Variants in ANO8 observed in about 807,000 individuals in gnomAD.
The protein encoded by ANO8 is anoctamin 8, also known as anoctamin-8.
In ANO8, 67 loss-of-function variants were observed where a neutral mutation model predicts 120.4. The ratio of observed to expected loss-of-function variants is 0.56; its 90% confidence interval spans 0.46 to 0.68. The LOEUF is 0.68. Ranked by LOEUF, ANO8 falls within the 30% of genes least tolerant of loss-of-function variation. The probability of loss-of-function intolerance (pLI) is 0.00; values close to 1 mark genes in which losing one functional copy is unlikely to be tolerated. For missense variants in ANO8, 1,526 were observed against 1,737.6 expected, an observed-to-expected ratio of 0.88 and a Z score of 2.16; for synonymous variants, 727 against 759.2, an observed-to-expected ratio of 0.96 and a Z score of 0.70.
rs2074295172 is a variant in ANO8, at chr19:17,328,782, C to T, written c.1606G>A (p.Gly536Ser). ...CTGCGGCCCCCGCCCCCGCTGCCGCCGCCCCCGCCCTCATCCGCCTGGGGT... is the reference window on the plus strand; with the variant it reads ...CTGCGGCCCCCGCCCCCGCTGCCGCTGCCCCCGCCCTCATCCGCCTGGGGT... ...LEPQADEGGG[G>S]GSGGGGRRCL... Residue 536 changes from glycine to serine, a missense_variant, in exon 13 of 18, where the codon GGC (glycine) becomes AGC (serine). Physicochemically the swap from Gly to Ser is moderately conservative, Grantham distance 56. Coordinates refer to ENST00000159087, the MANE Select transcript of ANO8 (RefSeq NM_020959.3). The T allele has an allele frequency of 3.8e-6, 5 of 1,312,054 alleles. No individual in the cohort carries two copies. The highest frequency in any genetic ancestry group is 4.8e-6 in the Non-Finnish European group (5 of 1,038,180). The allele number at this position is 1,312,054 out of a possible 1,614,324, so 81.3% of individuals were successfully genotyped here.
chr19:17,331,797 C>A (rs2074320339), intron 5 of ANO8, among the ~76,000 whole-genome samples: 1 of 151,590 alleles, frequency 6.6e-6, no homozygotes, highest in Non-Finnish European at 1.5e-5. Context: ...CCACGCCCAG[C>A]TAATTTTTGT....
Position 17,330,400 on chromosome 19 carries a change from C to A in ANO8, c.1098G>T (p.Ala366=). 1.3e-6 allele frequency: 2 copies of A among 1,582,884 alleles called. No homozygotes were observed. Among genetic ancestry groups the A allele is most frequent in the Non-Finnish European group, 1.7e-6 (2 of 1,164,752 alleles). The part of the protein sequence containing the change: ...QLLVSLPLCL[A]CLVCVFLLML... ...TGAGCAAGAAGACACAGACGAGGCA[C>A]GCCAGGCACAGGGGGAGGCTCACAA... is the stretch of plus-strand genomic sequence containing the variant. The change falls in exon 9 of 18, where the codon GCG becomes GCT. Residue 366 remains alanine, a synonymous_variant. Transcript: ENST00000159087.
Position 17,330,004 on chromosome 19 carries a change from C to T in ANO8, c.1284G>A (p.Arg428=). 1.2e-6 allele frequency: 2 copies of T among 1,613,940 alleles called. No individual in the cohort carries two copies. The highest frequency in any genetic ancestry group is 1.7e-6 in the Non-Finnish European group (2 of 1,179,972). The change falls in exon 11 of 18, where the codon CGG becomes CGA. Residue 428 remains arginine, a synonymous_variant. Coordinates refer to ENST00000159087, the MANE Select transcript of ANO8 (RefSeq NM_020959.3). ...AIWLNDMENY[R]LESAYEKHLI... is the part of the protein sequence containing the mutation. The stretch of plus-strand genomic sequence containing the variant: ...GGTGCTTCTCATAGGCGCTCTCCAG[C>T]CGGTAATTTTCTAGGGGCCAAGGGG...
At chr19:17,330,590 T>A in intron 8 of ANO8, 86 bp from the exon 9 acceptor site, 1 of 1,443,882 alleles carries the variant, frequency 6.9e-7, no homozygotes. Flanking sequence ...CAGAACTCAA[T>A]TTCCCTCCAT....
intron 13 of ANO8, 49 bp downstream of exon 13, chr19:17,328,113 C>G (rs1384665878): frequency 6.8e-7 from 1 of 1,477,684 alleles, no homozygotes; most frequent in East Asian, 2.4e-5. Flanking sequence ...ACGGTGTGTC[C>G]CGTCCCCGGC....
At chr19:17,332,894 T>C in intron 5 of ANO8, 36 bp downstream of exon 5, 1 of 1,610,376 alleles carries the variant, frequency 6.2e-7, no homozygotes, top group Non-Finnish European at 8.5e-7. Context: ...CACCCAACTC[T>C]CTGCCTGTGA....
At chr19:17,332,888 C>A in intron 5 of ANO8, 42 bp downstream of exon 5, 1 of 1,607,782 alleles carries the variant, frequency 6.2e-7, no homozygotes, top group South Asian at 1.1e-5. Context: ...GAGCTCCACC[C>A]AACTCTCTGC....
chr19:17,323,446 C>A lies in ANO8; in HGVS notation c.*71G>T. 7.9e-7 allele frequency: 1 copy of A among 1,265,168 alleles called. No homozygotes were observed. The highest frequency in any genetic ancestry group is 1.0e-6 in the Non-Finnish European group (1 of 1,001,366). The allele number at this position is 1,265,168 out of a possible 1,614,324, so 78.4% of individuals were successfully genotyped here. On this transcript the variant is annotated 3_prime_UTR_variant, in exon 18 of 18. Transcript: ENST00000159087. The stretch of plus-strand genomic sequence containing the variant: ...CCCTCGGGGGCTGAAGCGCATTTTG[C>A]ATTTTGGAGACCGGCCGCCCCTGTG...
chr19:17,333,921 G>A lies in ANO8; in HGVS notation c.107-121C>T, dbSNP rs567560124. Reference sequence around the variant, plus strand: ...CACTCCACCTGGCATTCAAGGCCCCGGGAGCTCTGGGCTTGGCTTATTTTC... The same window carrying A: ...CACTCCACCTGGCATTCAAGGCCCCAGGAGCTCTGGGCTTGGCTTATTTTC... On this transcript the variant is annotated intron_variant, in intron 1 of 17. Transcript: ENST00000159087. This position sits in a 1 kb window ranked among gnomAD's most constrained non-coding sequence, Gnocchi z 7.2. 2.5e-6 allele frequency: 2 copies of A among 790,936 alleles called. No individual in the cohort carries two copies. The highest frequency in any genetic ancestry group is 5.4e-5 in the East Asian group (2 of 37,360). The allele number at this position is 790,936 out of a possible 1,614,324, so 49.0% of individuals were successfully genotyped here.
At position 17,325,211 on chromosome 19, in the gene ANO8, G is replaced by A. The variant is rs755714549; in HGVS notation, c.2837C>T (p.Ala946Val). Residue 946 changes from alanine (A) to valine (V), a missense_variant, in exon 17 of 18, where the codon GCC becomes GTC. Physicochemically the swap from Ala to Val is moderately conservative, Grantham distance 64. Around this residue, in one of 8 missense-constraint regions of ANO8, gnomAD observed 489 missense variants for 548.6 expected, o/e 0.89. Coordinates refer to ENST00000159087, the MANE Select transcript of ANO8 (RefSeq NM_020959.3). ...GLDPATSSEK[A>V]SAKAKGSTAG... is the part of the protein sequence containing the mutation. ...AGTGCTGCCCTTGGCCTTGGCAGAGGCCTTCTCGGAGGAGGTGGCAGGGTC... is the reference window on the plus strand; with the variant it reads ...AGTGCTGCCCTTGGCCTTGGCAGAGACCTTCTCGGAGGAGGTGGCAGGGTC... 4 of 1,612,316 alleles carry A rather than the reference G, an allele frequency of 2.5e-6. No individual in the cohort carries two copies. The South Asian group carries it at 3.3e-5, about 13-fold the overall frequency.
intron 5 of ANO8, 110 bp downstream of exon 5, chr19:17,332,820 A>G: frequency 7.9e-7 from 1 of 1,259,732 alleles, no homozygotes; most frequent in South Asian, 1.3e-5. Context: ...ACTCTTTGCC[A>G]ACCCCTGACT....
intron 12 of ANO8, chr19:17,329,193 G>A (rs1236153033): frequency 4.1e-6 from 2 of 483,266 alleles, no homozygotes; most frequent in South Asian, 6.2e-5. Flanking sequence ...AGCGCTCCTC[G>A]CCCACCTCAC....
rs2074279048 is a variant in ANO8 at position 17,327,312 on chromosome 19, C to T, written c.2584G>A (p.Val862Met). 1 of 1,550,018 alleles carries T rather than the reference C, an allele frequency of 6.5e-7. No homozygotes were observed. Among genetic ancestry groups the T allele is most frequent in the Non-Finnish European group, 8.7e-7 (1 of 1,146,820 alleles). Reference sequence around the variant, plus strand: ...CAGCCCGGGATATCGGGGATGGCCACGTGGATGAGGTACTTGAGGAGCAGA... The same window carrying T: ...CAGCCCGGGATATCGGGGATGGCCATGTGGATGAGGTACTTGAGGAGCAGA... ...FALLLKYLIH[V>M]AIPDIPGWVA... The change falls in exon 16 of 18, where the codon GTG becomes ATG. Residue 862 changes from valine (V) to methionine (M), a missense_variant. Val to Met is a conservative substitution (Grantham distance 21). Transcript: ENST00000159087.
At position 17,328,762 on chromosome 19, in the gene ANO8, GC is replaced by G. The variant is rs1432707124; in HGVS notation, c.1625del (p.Gly542AlafsTer73). 1 of 1,323,240 alleles carries G rather than the reference GC, an allele frequency of 7.6e-7. No individual in the cohort carries two copies. Among genetic ancestry groups the G allele is most frequent in the Non-Finnish European group, 9.6e-7 (1 of 1,043,778 alleles). The allele number at this position is 1,323,240 out of a possible 1,614,324, so 82.0% of individuals were successfully genotyped here. A position where few individuals can be genotyped will look rare whatever the true frequency, so the allele number is the denominator to read the frequency against. ...CGCAGCCCCCGCTGAGGCACCTGCG[GC>G]CCCCGCCCCCGCTGCCGCCGCCCCC... The part of the protein sequence containing the change: ...EGGGGGSGGG[G>X]RRCLSGGCGA... On this transcript the variant is annotated frameshift_variant, in exon 13 of 18. Coordinates refer to ENST00000159087, the MANE Select transcript of ANO8 (RefSeq NM_020959.3). LOFTEE classifies it high-confidence loss of function.
In ANO8 at chr19:17,328,539, C is replaced by G. The variant is rs1160145069; in HGVS notation, c.1849G>C (p.Val617Leu). ...CCCGCGCCGCGCTCAGCGAAGCTGACCTTCTTCAGCCGGAGCCCGCAGTCC... is the reference window on the plus strand; with the variant it reads ...CCCGCGCCGCGCTCAGCGAAGCTGAGCTTCTTCAGCCGGAGCCCGCAGTCC... ...LLDCGLRLKK[V>L]SFAERGAGRR... The change falls in exon 13 of 18, where the codon GTC becomes CTC. Residue 617 changes from valine to leucine, a missense_variant. This residue lies in a region of ANO8 where 467 missense variants were observed against 425.8 expected (regional missense o/e 1.10). Coordinates refer to ENST00000159087, the MANE Select transcript of ANO8 (RefSeq NM_020959.3). 1 of 1,549,262 alleles carries G rather than the reference C, an allele frequency of 6.5e-7. No homozygotes were observed. Among genetic ancestry groups the G allele is most frequent in the Non-Finnish European group, 8.7e-7 (1 of 1,147,774 alleles).
chr19:17,327,749 C>T lies in ANO8; in HGVS notation c.2358G>A (p.Lys786=), dbSNP rs1304981499. 6.2e-7 allele frequency: 1 copy of T among 1,614,102 alleles called. No individual in the cohort carries two copies. Among genetic ancestry groups the T allele is most frequent in the Non-Finnish European group, 8.5e-7 (1 of 1,180,006 alleles). Residue 786 remains lysine, a synonymous_variant, in exon 14 of 18, where the codon AAG becomes AAA. Coordinates refer to ENST00000159087, the MANE Select transcript of ANO8 (RefSeq NM_020959.3). The stretch of plus-strand genomic sequence containing the variant: ...AGGGCCGCTGCAGCCCGGTGCACAG[C>T]TTGAAGGCGTCGCTGCGGATCTCAA... The part of the protein sequence containing the change: ...NLIEIRSDAF[K]LCTGLQRPFG...
rs200336282 is a variant in ANO8, at chr19:17,334,661, C to T, written c.10G>A (p.Ala4Thr). 7,318 of 1,470,758 alleles carry T rather than the reference C, an allele frequency of 5.0e-3. 42 individuals are homozygous for T. The highest frequency in any genetic ancestry group is 0.016 in the Middle Eastern group (66 of 4,204). 91.1% of individuals were successfully genotyped at this position (1,470,758 alleles called of 1,614,324 possible). ...GACGTGCCCCCGGCGCCGGAGGCGG[C>T]CTCGGCCATGGCGAGGACAGGTCAG... MAE[A>T]ASGAGGTSLE... Residue 4 changes from alanine to threonine, a missense_variant, in exon 1 of 18, where the codon GCC (alanine) becomes ACC (threonine). Around this residue, in one of 8 missense-constraint regions of ANO8, gnomAD observed 53 missense variants for 45.0 expected, o/e 1.18. Transcript: ENST00000159087.
At chr19:17,332,669 C>T (rs575988293) in intron 5 of ANO8, among the ~76,000 whole-genome samples, 4 of 152,340 alleles carry the variant, frequency 2.6e-5, no homozygotes, top group South Asian at 2.1e-4. Flanking sequence ...TGGTTCCCAA[C>T]CCTTTGCCAA....
chr19:17,329,330 T>C, intron 12 of ANO8: 1 of 341,002 alleles, frequency 2.9e-6, no homozygotes, highest in Non-Finnish European at 5.4e-6. Flanking sequence ...GCATGCGCCC[T>C]CAGCTCGGCG....
Sources: allele counts gnomAD v4.1 joint callset (sites outside exome capture counted in the v4.1 genomes callset), GRCh38; gene constraint gnomAD v4.1.1; regional missense constraint gnomAD v4.1.1; non-coding constraint Gnocchi (gnomAD v3.1); transcripts MANE v1.5; gene names NCBI Gene and HGNC (gene_info 2026-07-23, HGNC 2026-07-21).